Variants in PRKG1 observed in about 807,000 individuals in gnomAD.
PRKG1 encodes protein kinase cGMP-dependent 1, also known as cGMP-dependent protein kinase 1.
A neutral mutation model predicts 88.1 loss-of-function variants in PRKG1; 35 were observed. That is an observed-to-expected ratio of 0.40 (90% CI 0.30 to 0.53). PRKG1 has a LOEUF of 0.53. PRKG1 is among the 20% of genes least tolerant of loss of function. PRKG1 has a pLI of 0.59. For missense variants in PRKG1, 540 were observed against 839.8 expected, an observed-to-expected ratio of 0.64 and a Z score of 4.41; for synonymous variants, 303 against 292.5, an observed-to-expected ratio of 1.04 and a Z score of -0.37.
intron 1 of PRKG1, among the ~76,000 whole-genome samples, chr10:51,039,732 T>C (rs1843396001): frequency 6.6e-6 from 1 of 152,194 alleles, no homozygotes; most frequent in East Asian, 1.9e-4. Flanking sequence ...TTTGAGGTTT[T>C]ACATTTAAGT....
intron 2 of PRKG1, among the ~76,000 whole-genome samples, chr10:51,167,244 G>A (rs1846572291): frequency 6.6e-6 from 1 of 152,110 alleles, no homozygotes; most frequent in African/African-American, 2.4e-5. Flanking sequence ...TCCCTGGGAG[G>A]GTAGCATTTG....
At chr10:51,917,925 A>G (rs1250591402) in intron 5 of PRKG1, among the ~76,000 whole-genome samples, 1 of 152,222 alleles carries the variant, frequency 6.6e-6, no homozygotes, top group Non-Finnish European at 1.5e-5. Flanking sequence ...TTATGTGAAC[A>G]TAACTTGAGA....
At chr10:51,166,106 G>A (rs1374448125) in intron 2 of PRKG1, among the ~76,000 whole-genome samples, 8 of 148,848 alleles carry the variant, frequency 5.4e-5, no homozygotes, top group South Asian at 2.1e-4. Context: ...CTTGCATTTC[G>A]TCTTGTTTTA....
chr10:52,251,786 C>T (rs1841178488), intron 10 of PRKG1, 120 bp downstream of exon 10: 1 of 846,080 alleles, frequency 1.2e-6, no homozygotes, highest in African/African-American at 1.7e-5. Flanking sequence ...ACCATGATTC[C>T]TAAATCAGTT....
intron 4 of PRKG1, among the ~76,000 whole-genome samples, chr10:51,863,177 C>T (rs1388305097): frequency 1.3e-5 from 2 of 152,102 alleles, no homozygotes; most frequent in Non-Finnish European, 2.9e-5. Context: ...GATATGATAT[C>T]CTGGTTCCCT....
At chr10:51,058,152 G>A (rs184263622) in intron 1 of PRKG1, among the ~76,000 whole-genome samples, 84 of 152,152 alleles carry the variant, frequency 5.5e-4, no homozygotes, top group Middle Eastern at 3.4e-3. Flanking sequence ...CTTCTTTTAC[G>A]AAATGCCTGT....
chr10:51,298,698 G>C (rs1564435515), intron 2 of PRKG1, among the ~76,000 whole-genome samples: 1 of 152,184 alleles, frequency 6.6e-6, no homozygotes, highest in Non-Finnish European at 1.5e-5. Flanking sequence ...TTAGATGGAT[G>C]AAAGAATATC....
chr10:52,289,535 A>T (rs902657774), intron 16 of PRKG1, among the ~76,000 whole-genome samples: 3 of 152,148 alleles, frequency 2.0e-5, no homozygotes, highest in African/African-American at 4.8e-5. Context: ...ACTGACAGGA[A>T]ATTCACATCC....
chr10:52,003,357 C>T (rs1297524764), intron 5 of PRKG1, among the ~76,000 whole-genome samples: 1 of 151,204 alleles, frequency 6.6e-6, no homozygotes, highest in Non-Finnish European at 1.5e-5. Flanking sequence ...GTCTAAATCT[C>T]ATTATCCTCA....
chr10:51,126,270 TAATTATTTATATATTTATATATAA>T (rs1845411445), intron 1 of PRKG1, among the ~76,000 whole-genome samples: 1 of 115,370 alleles, frequency 8.7e-6, no homozygotes, highest in South Asian at 2.6e-4. Context: ...TATTTATTTA[TAATTATTTATATATTTATATATAA>T]ATATTTATAT....
chr10:51,216,504 C>T (rs923120397), intron 2 of PRKG1, among the ~76,000 whole-genome samples: 1 of 151,016 alleles, frequency 6.6e-6, no homozygotes, highest in Non-Finnish European at 1.5e-5. Context: ...TGGGTTTCCT[C>T]ACTGGTTTTA....
intron 3 of PRKG1, among the ~76,000 whole-genome samples, chr10:51,547,004 G>T (rs1449148337): frequency 6.6e-6 from 1 of 151,556 alleles, no homozygotes; most frequent in Non-Finnish European, 1.5e-5. Flanking sequence ...ATGGGTGCAA[G>T]ACTTTGTGAC....
At chr10:51,405,228 A>G (rs926931939) in intron 2 of PRKG1, among the ~76,000 whole-genome samples, 59 of 152,344 alleles carry the variant, frequency 3.9e-4, no homozygotes, top group African/African-American at 1.4e-3. Context: ...ATGGGATTAC[A>G]TCCTGATAAA....
intron 5 of PRKG1, among the ~76,000 whole-genome samples, chr10:51,943,697 A>G (rs1842960808): frequency 6.6e-6 from 1 of 152,108 alleles, no homozygotes. Context: ...CCTTTTCTGC[A>G]TCTATTCAGA....
At chr10:51,053,418 T>C (rs1336953519) in intron 1 of PRKG1, among the ~76,000 whole-genome samples, 1 of 152,166 alleles carries the variant, frequency 6.6e-6, no homozygotes, top group Non-Finnish European at 1.5e-5. Flanking sequence ...TCTTGGCAAC[T>C]TGGAGGCACA....
chr10:51,344,370 A>G (rs960075472), intron 2 of PRKG1, among the ~76,000 whole-genome samples: 3 of 152,198 alleles, frequency 2.0e-5, no homozygotes, highest in South Asian at 2.1e-4. Context: ...TTCCACCTCA[A>G]TGATCCAAAC....
chr10:52,192,114 A>T (rs1384547548), intron 9 of PRKG1, among the ~76,000 whole-genome samples: 2 of 152,094 alleles, frequency 1.3e-5, no homozygotes, highest in African/African-American at 4.8e-5. Flanking sequence ...TTTTGGTATT[A>T]TGAATTTGTG....
intron 9 of PRKG1, 79 bp downstream of exon 9, chr10:52,162,042 C>A (rs1371888440): frequency 5.2e-6 from 6 of 1,158,554 alleles, no homozygotes; most frequent in Non-Finnish European, 7.5e-6. Flanking sequence ...TTGGACTTGA[C>A]ACATCCCAAC....
chr10:51,235,258 T>G (rs1160647507), intron 2 of PRKG1, among the ~76,000 whole-genome samples: 1 of 152,204 alleles, frequency 6.6e-6, no homozygotes, highest in South Asian at 2.1e-4. Flanking sequence ...ATTTGCTTAC[T>G]TGTTTCTCAA....
Sources: allele counts gnomAD v4.1 joint callset (sites outside exome capture counted in the v4.1 genomes callset), GRCh38; gene constraint gnomAD v4.1.1; transcripts MANE v1.5; gene names NCBI Gene and HGNC (gene_info 2026-07-23, HGNC 2026-07-21).